IQCM: variants seen among roughly 807,000 people sequenced by gnomAD.
IQCM encodes IQ domain-containing protein M.
In IQCM, 45 loss-of-function variants were observed where a neutral mutation model predicts 57.6. That is an observed-to-expected ratio of 0.78 (90% CI 0.62 to 1.00). IQCM has a LOEUF of 1.00. IQCM is among the 50% of genes least tolerant of loss of function. The pLI, the probability that IQCM is intolerant of heterozygous loss-of-function variation, is 0.00. For missense variants in IQCM, 468 were observed against 511.6 expected, an observed-to-expected ratio of 0.91 and a Z score of 0.82; for synonymous variants, 148 against 158.9, an observed-to-expected ratio of 0.93 and a Z score of 0.51.
intron 12 of IQCM, among the ~76,000 whole-genome samples, chr4:149,488,700 C>T (rs1741782978): frequency 6.6e-6 from 1 of 152,096 alleles, no homozygotes; most frequent in South Asian, 2.1e-4. Context: ...ATAACCGCCT[C>T]TTTTCAGTCC....
Position 149,369,964 on chromosome 4 carries a change from C to T in IQCM, c.1391-17898G>A, listed in dbSNP as rs1318113102. On this transcript the variant is annotated intron_variant, in intron 13 of 13. Transcript: ENST00000636793. ...AGGTTGGAGTGCAGTGGTGCAATTA[C>T]GGCTCACTGCAGCCTCAGTCTCCTG... Among the ~76,000 whole-genome samples the T allele has an allele frequency of 7.2e-5, 11 of 152,154 alleles. No individual in the cohort carries two copies. In the South Asian group the frequency reaches 8.3e-4, roughly 11 times the overall value.
intron 5 of IQCM, among the ~76,000 whole-genome samples, chr4:149,699,745 C>T (rs2149810741): frequency 6.9e-6 from 1 of 144,346 alleles, no homozygotes; most frequent in East Asian, 2.0e-4. Context: ...AAGACAGAGA[C>T]CTTGACGGAG....
At chr4:149,801,188 T>A (rs1773571876) in intron 2 of IQCM, among the ~76,000 whole-genome samples, 1 of 151,728 alleles carries the variant, frequency 6.6e-6, no homozygotes, top group South Asian at 2.1e-4. Flanking sequence ...TACAATGAGA[T>A]CATCTCACCC....
chr4:149,654,291 C>G (rs1482556158), intron 7 of IQCM, among the ~76,000 whole-genome samples: 1 of 151,962 alleles, frequency 6.6e-6, no homozygotes, highest in Non-Finnish European at 1.5e-5. Flanking sequence ...AATGTGATCC[C>G]CATTGTTGGA....
At chr4:149,812,792 T>C (rs1774705612) in intron 2 of IQCM, among the ~76,000 whole-genome samples, 1 of 152,186 alleles carries the variant, frequency 6.6e-6, no homozygotes, top group Non-Finnish European at 1.5e-5. Context: ...TTCACTGACA[T>C]AAATTGAAGC....
intron 12 of IQCM, among the ~76,000 whole-genome samples, chr4:149,533,077 G>T (rs1579392519): frequency 1.3e-5 from 2 of 151,932 alleles, no homozygotes; most frequent in Admixed American, 6.6e-5. Flanking sequence ...TTAAATAGAA[G>T]AAACAGCAAA....
At chr4:149,537,694 A>G (rs1426248882) in intron 12 of IQCM, among the ~76,000 whole-genome samples, 1 of 152,024 alleles carries the variant, frequency 6.6e-6, no homozygotes, top group Non-Finnish European at 1.5e-5. Context: ...AAAGGCAAAG[A>G]GATACTCTTG....
At chr4:149,466,834 G>A (rs1738906457) in intron 12 of IQCM, among the ~76,000 whole-genome samples, 1 of 152,122 alleles carries the variant, frequency 6.6e-6, no homozygotes. Flanking sequence ...CAAGGTTCCA[G>A]CAGATTCAGT....
chr4:149,621,784 A>G (rs1756358866), intron 7 of IQCM, among the ~76,000 whole-genome samples: 1 of 152,228 alleles, frequency 6.6e-6, no homozygotes, highest in African/African-American at 2.4e-5. Context: ...CAGTTGGTAC[A>G]TAAGATTTCT....
chr4:149,494,180 T>C (rs1742407933), intron 12 of IQCM, among the ~76,000 whole-genome samples: 1 of 152,084 alleles, frequency 6.6e-6, no homozygotes, highest in African/African-American at 2.4e-5. Context: ...GCAGTCGTTT[T>C]TAACGGCTAA....
At chr4:149,376,048 T>G (rs576316054) in intron 13 of IQCM, among the ~76,000 whole-genome samples, 43 of 152,232 alleles carry the variant, frequency 2.8e-4, no homozygotes, top group Middle Eastern at 6.8e-3. Context: ...GTTTGGGAAT[T>G]CTGTAACCAC....
intron 2 of IQCM, among the ~76,000 whole-genome samples, chr4:149,753,660 A>G (rs1464003150): frequency 2.6e-5 from 4 of 151,968 alleles, no homozygotes; most frequent in African/African-American, 9.7e-5. Context: ...CAGCACACCA[A>G]CATGGCTCAT....
chr4:149,418,349 A>G (rs1733896527), intron 13 of IQCM, among the ~76,000 whole-genome samples: 1 of 152,120 alleles, frequency 6.6e-6, no homozygotes, highest in Non-Finnish European at 1.5e-5. Context: ...GAAGAAATGG[A>G]TAAGTTCCTG....
At position 149,467,948 on chromosome 4, in the gene IQCM, C is replaced by A. The variant is rs557853505; in HGVS notation, c.1229-34391G>T. On this transcript the variant is annotated intron_variant, in intron 12 of 13. Coordinates refer to ENST00000636793, the MANE Select transcript of IQCM (RefSeq NM_001363507.2). ...GCAGGGCACAGAGTAGGGTGAATGG[C>A]ACTGAAGGGGCAAATGAAAAATATC... 1.9e-4 allele frequency among the ~76,000 whole-genome samples: 29 copies of A among 152,208 alleles called. No individual in the cohort carries two copies. In the South Asian group the frequency reaches 6.0e-3, roughly 32 times the overall value.
chr4:149,448,101 T>C (rs988340480), intron 12 of IQCM, among the ~76,000 whole-genome samples: 3 of 151,834 alleles, frequency 2.0e-5, no homozygotes, highest in Admixed American at 6.6e-5. Flanking sequence ...ACACAGAACA[T>C]GTTCCATGAT....
intron 3 of IQCM, among the ~76,000 whole-genome samples, chr4:149,742,109 TACC>T (rs1767513612): frequency 1.3e-5 from 2 of 152,110 alleles, no homozygotes; most frequent in Non-Finnish European, 1.5e-5. Flanking sequence ...ATCTAAATAT[TACC>T]ACTTCAACAT....
chr4:149,488,848 A>G (rs150747994), intron 12 of IQCM, among the ~76,000 whole-genome samples: 1 of 152,312 alleles, frequency 6.6e-6, no homozygotes, highest in East Asian at 1.9e-4. Context: ...AGGTAACATC[A>G]GCTGATAAAT....
At chr4:149,386,421 G>T (rs1731430608) in intron 13 of IQCM, among the ~76,000 whole-genome samples, 1 of 151,940 alleles carries the variant, frequency 6.6e-6, no homozygotes, top group Non-Finnish European at 1.5e-5. Flanking sequence ...TAAATGTTTA[G>T]TTGAAGTATT....
chr4:149,448,311 C>G (rs2111382632), intron 12 of IQCM, among the ~76,000 whole-genome samples: 1 of 151,554 alleles, frequency 6.6e-6, no homozygotes, highest in Admixed American at 6.6e-5. Context: ...TTGAACTAAA[C>G]AGTAATGAAA....
Sources: gnomAD v4.1 joint callset for allele counts (sites outside exome capture counted in the v4.1 genomes callset) on GRCh38, gnomAD v4.1.1 for gene constraint, MANE v1.5 for transcripts, NCBI Gene and HGNC (gene_info 2026-07-23, HGNC 2026-07-21) for gene names.